The following GPC5 variants were observed in gnomAD, a reference collection of about 807,000 sequenced individuals.
GPC5 encodes the protein glypican 5, also known as glypican-5.
GPC5 carries 47 observed loss-of-function variants against 53.9 expected under a neutral mutation model. The observed-to-expected ratio is 0.87, with a 90% CI of 0.69 to 1.11. GPC5 has a LOEUF of 1.11. GPC5 is among the 50% of genes most tolerant of loss of function. GPC5 has a pLI of 0.00. For synonymous variants in GPC5, 286 were observed against 263.3 expected (o/e 1.09, Z -0.84); for missense variants, 748 against 713.1 (o/e 1.05, Z -0.56).
rs184795433 is a variant in GPC5, at chr13:91,749,608, A to G, written c.1155-6687A>G. Among the ~76,000 whole-genome samples the G allele has an allele frequency of 1.4e-3, 206 of 152,254 alleles. 1 individual carries two copies. The Middle Eastern group carries it at 0.031, about 23-fold the overall frequency. On this transcript the variant is annotated intron_variant, in intron 4 of 7. Coordinates refer to ENST00000377067, the MANE Select transcript of GPC5 (RefSeq NM_004466.6). The stretch of plus-strand genomic sequence containing the variant: ...TGGGATTTCCTTTGGGAAATACCCA[A>G]TAGTGGGATTGCTGGATCAAATGGT...
At chr13:92,630,653 G>A (rs1261698334) in intron 7 of GPC5, among the ~76,000 whole-genome samples, 1 of 152,044 alleles carries the variant, frequency 6.6e-6, no homozygotes, top group Non-Finnish European at 1.5e-5. Flanking sequence ...TAACAAACCT[G>A]CATGTTCTGC....
chr13:91,994,123 C>T (rs2040482783), intron 6 of GPC5, among the ~76,000 whole-genome samples: 1 of 152,142 alleles, frequency 6.6e-6, no homozygotes. Flanking sequence ...TGCCCAGGTA[C>T]TAGTGGTGTG....
intron 7 of GPC5, among the ~76,000 whole-genome samples, chr13:92,845,013 G>T (rs2138837749): frequency 6.6e-6 from 1 of 152,054 alleles, no homozygotes; most frequent in African/African-American, 2.4e-5. Context: ...GTTCCACAGG[G>T]TGCCATATTT....
At chr13:91,895,519 G>C (rs1426408929) in intron 5 of GPC5, among the ~76,000 whole-genome samples, 1 of 152,098 alleles carries the variant, frequency 6.6e-6, no homozygotes, top group Non-Finnish European at 1.5e-5. Flanking sequence ...CTTTTTGCAA[G>C]CTTGTAGTTT....
intron 7 of GPC5, among the ~76,000 whole-genome samples, chr13:92,152,603 G>A (rs534368964): frequency 1.3e-5 from 2 of 152,066 alleles, no homozygotes; most frequent in Admixed American, 6.5e-5. Flanking sequence ...GCCGGGTGTC[G>A]TGGCGGGCGC....
chr13:91,679,063 A>G (rs2139720011), intron 2 of GPC5, among the ~76,000 whole-genome samples: 1 of 152,292 alleles, frequency 6.6e-6, no homozygotes, highest in East Asian at 1.9e-4. Context: ...AACTGAGGAA[A>G]AAATGGACTG....
At chr13:91,681,006 T>C (rs2035495571) in intron 2 of GPC5, among the ~76,000 whole-genome samples, 1 of 152,154 alleles carries the variant, frequency 6.6e-6, no homozygotes, top group Non-Finnish European at 1.5e-5. Flanking sequence ...TTTTTTTAAA[T>C]AATACATACG....
chr13:92,581,672 A>G (rs1425918872), intron 7 of GPC5, among the ~76,000 whole-genome samples: 1 of 152,174 alleles, frequency 6.6e-6, no homozygotes, highest in African/African-American at 2.4e-5. Flanking sequence ...ACCACTCTAC[A>G]TTCCAACAAA....
chr13:92,776,283 CCT>C (rs1177058467), intron 7 of GPC5, among the ~76,000 whole-genome samples: 8 of 152,072 alleles, frequency 5.3e-5, no homozygotes, highest in African/African-American at 1.4e-4. Context: ...TGTCTCCTTT[CCT>C]CTCTCTTTTT....
At chr13:92,010,926 A>G (rs1594722386) in intron 6 of GPC5, among the ~76,000 whole-genome samples, 1 of 152,202 alleles carries the variant, frequency 6.6e-6, no homozygotes, top group Admixed American at 6.5e-5. Flanking sequence ...AAACTATAAG[A>G]CAATATTTCT....
chr13:91,448,627 T>C, intron 1 of GPC5, 134 bp from the exon 2 acceptor site: 2 of 780,132 alleles, frequency 2.6e-6, no homozygotes, highest in Non-Finnish European at 3.9e-6. Context: ...TAAACTTTCT[T>C]ATAGCAAGTA....
At chr13:91,445,185 C>G (rs1041764990) in intron 1 of GPC5, among the ~76,000 whole-genome samples, 1 of 152,178 alleles carries the variant, frequency 6.6e-6, no homozygotes, top group Non-Finnish European at 1.5e-5. Context: ...CACCTTTTCA[C>G]TTAAGCGAAG....
Position 92,607,547 on chromosome 13 carries a change from A to G in GPC5, c.1562-258735A>G, listed in dbSNP as rs549078734. ...CTCCCTCTAATGGAAGAGACTGATA[A>G]TAAGGCAGAAAATTTTCTATTTCAG... On this transcript the variant is annotated intron_variant, in intron 7 of 7. Transcript: ENST00000377067. 4.6e-5 allele frequency among the ~76,000 whole-genome samples: 7 copies of G among 152,314 alleles called. No homozygotes were observed. In the East Asian group the frequency reaches 1.4e-3, roughly 29 times the overall value.
intron 6 of GPC5, among the ~76,000 whole-genome samples, chr13:92,119,759 AAAT>A (rs2041633567): frequency 6.6e-6 from 1 of 151,850 alleles, no homozygotes; most frequent in Admixed American, 6.6e-5. Flanking sequence ...TTGTAAGGAA[AAAT>A]AATGCCTCCT....
rs193121590 is a variant in GPC5 at position 91,496,521 on chromosome 13, G to A, written c.325+47599G>A. On this transcript the variant is annotated intron_variant, in intron 2 of 7. Coordinates refer to ENST00000377067, the MANE Select transcript of GPC5 (RefSeq NM_004466.6). ...TCATTATGTTAAGTGAAATAAGCCA[G>A]GCACAGAAAGACAAACTTCGCATTT... is the stretch of plus-strand genomic sequence containing the variant. Among the ~76,000 whole-genome samples the A allele has an allele frequency of 7.2e-5, 11 of 152,270 alleles. No homozygotes were observed. The East Asian group carries it at 1.9e-3, about 27-fold the overall frequency.
At chr13:91,718,537 T>A (rs2036395577) in intron 3 of GPC5, among the ~76,000 whole-genome samples, 1 of 152,202 alleles carries the variant, frequency 6.6e-6, no homozygotes. Flanking sequence ...TTTTGTAGTT[T>A]GTGGTGCTAC....
chr13:92,049,459 C>A (rs1018214550), intron 6 of GPC5, among the ~76,000 whole-genome samples: 1 of 151,994 alleles, frequency 6.6e-6, no homozygotes, highest in East Asian at 1.9e-4. Flanking sequence ...TGGTAAAAAT[C>A]TGAGCTCCAG....
chr13:91,453,349 GC>G (rs1881317656), intron 2 of GPC5, among the ~76,000 whole-genome samples: 2 of 151,776 alleles, frequency 1.3e-5, no homozygotes, highest in South Asian at 4.2e-4. Flanking sequence ...CTATCGTATA[GC>G]TGCTACTGTA....
At chr13:91,756,801 T>C (rs1040958137) in intron 5 of GPC5, among the ~76,000 whole-genome samples, 2 of 151,770 alleles carry the variant, frequency 1.3e-5, no homozygotes, top group African/African-American at 4.8e-5. Flanking sequence ...TGTGAATACC[T>C]ATTCAAAGAT....
Sources: allele counts gnomAD v4.1 joint callset (sites outside exome capture counted in the v4.1 genomes callset), GRCh38; gene constraint gnomAD v4.1.1; transcripts MANE v1.5; gene names NCBI Gene and HGNC (gene_info 2026-07-23, HGNC 2026-07-21).